Variants in CNTNAP2 observed in about 807,000 individuals in gnomAD.
The protein encoded by CNTNAP2 is contactin associated protein 2.
In CNTNAP2, 98 loss-of-function variants were observed where a neutral mutation model predicts 155.2. The ratio of observed to expected loss-of-function variants is 0.63; its 90% CI spans 0.54 to 0.75. The LOEUF is 0.75. Among genes scored for constraint, CNTNAP2 ranks in the 30% least tolerant of loss-of-function variants. The pLI, the probability that CNTNAP2 is intolerant of heterozygous loss-of-function variation, is 0.00. For missense variants in CNTNAP2, 1,727 were observed against 1,688.1 expected, an observed-to-expected ratio of 1.02 and a Z score of -0.40; for synonymous variants, 651 against 631.2, an observed-to-expected ratio of 1.03 and a Z score of -0.47.
chr7:146,507,439 C>G (rs1223246722), intron 1 of CNTNAP2, among the ~76,000 whole-genome samples: 2 of 152,236 alleles, frequency 1.3e-5, no homozygotes, highest in Admixed American at 6.5e-5. Flanking sequence ...AAAGCCATCT[C>G]AGCCTCATTG....
At chr7:148,225,804 T>C (rs778867360) in intron 19 of CNTNAP2, among the ~76,000 whole-genome samples, 1 of 152,194 alleles carries the variant, frequency 6.6e-6, no homozygotes, top group Non-Finnish European at 1.5e-5. Context: ...GAAGACTTGG[T>C]GTCAGATGAC....
At chr7:147,629,689 T>C (rs1262921314) in intron 12 of CNTNAP2, among the ~76,000 whole-genome samples, 1 of 151,924 alleles carries the variant, frequency 6.6e-6, no homozygotes, top group Non-Finnish European at 1.5e-5. Context: ...CTCAAAACTA[T>C]ACAAATACTT....
intron 4 of CNTNAP2, among the ~76,000 whole-genome samples, chr7:147,065,990 A>C (rs1799772271): frequency 6.6e-6 from 1 of 152,280 alleles, no homozygotes; most frequent in South Asian, 2.1e-4. Context: ...AAGTATAAAA[A>C]AGGTGGAAAA....
intron 2 of CNTNAP2, among the ~76,000 whole-genome samples, chr7:146,799,487 G>A (rs762025101): frequency 3.9e-5 from 6 of 152,142 alleles, no homozygotes; most frequent in Non-Finnish European, 5.9e-5. Context: ...ATGCACATTC[G>A]AGTTTAGTAT....
intron 15 of CNTNAP2, among the ~76,000 whole-genome samples, chr7:148,097,726 C>T (rs1003495411): frequency 3.3e-4 from 50 of 152,282 alleles, no homozygotes; most frequent in Admixed American, 2.8e-3. Context: ...TCTTTTGAAG[C>T]CCTCCTCGGC....
At chr7:146,543,917 G>C (rs928849766) in intron 1 of CNTNAP2, among the ~76,000 whole-genome samples, 2 of 151,716 alleles carry the variant, frequency 1.3e-5, no homozygotes, top group Non-Finnish European at 2.9e-5. Flanking sequence ...GGAATTCATA[G>C]TCTAATGAAC....
At chr7:147,412,838 G>A (rs1406288) in intron 10 of CNTNAP2, among the ~76,000 whole-genome samples, 26,562 of 152,150 alleles carry the variant, frequency 0.17, 2,942 homozygotes, top group Non-Finnish European at 0.25. Context: ...ACTAAGGCAT[G>A]TGACACAGCT....
intron 4 of CNTNAP2, among the ~76,000 whole-genome samples, chr7:147,099,102 G>A (rs1207680629): frequency 6.6e-6 from 1 of 152,062 alleles, no homozygotes; most frequent in East Asian, 1.9e-4. Context: ...AGGTGCAGCA[G>A]GGTAAGCAGG....
intron 15 of CNTNAP2, among the ~76,000 whole-genome samples, chr7:147,982,676 T>C (rs926502231): frequency 6.6e-6 from 1 of 152,188 alleles, no homozygotes; most frequent in Non-Finnish European, 1.5e-5. Flanking sequence ...ATCTTTTTTT[T>C]GCAAGAATTT....
At chr7:146,487,710 T>G (rs1052632507) in intron 1 of CNTNAP2, among the ~76,000 whole-genome samples, 2 of 152,180 alleles carry the variant, frequency 1.3e-5, no homozygotes, top group African/African-American at 4.8e-5. Flanking sequence ...CGCAGCATCC[T>G]CAAGTACAGA....
At chr7:146,887,460 A>G (rs1471292847) in intron 3 of CNTNAP2, among the ~76,000 whole-genome samples, 3 of 152,088 alleles carry the variant, frequency 2.0e-5, no homozygotes, top group African/African-American at 4.8e-5. Flanking sequence ...TCATAAGTAC[A>G]TGGTTTTTAT....
chr7:148,214,119 C>T (rs1002860177), intron 18 of CNTNAP2, among the ~76,000 whole-genome samples: 1 of 152,196 alleles, frequency 6.6e-6, no homozygotes. Flanking sequence ...CTTCCACCAC[C>T]CCTGTGTTCC....
chr7:147,484,528 C>T (rs566349985), intron 10 of CNTNAP2, among the ~76,000 whole-genome samples: 17 of 152,308 alleles, frequency 1.1e-4, no homozygotes, highest in African/African-American at 3.6e-4. Flanking sequence ...GCTGTGAATA[C>T]AGTCGTAGTC....
chr7:147,324,158 A>T (rs984509719), intron 9 of CNTNAP2, among the ~76,000 whole-genome samples: 2 of 152,162 alleles, frequency 1.3e-5, no homozygotes, highest in Non-Finnish European at 2.9e-5. Context: ...GAAAAGAAGT[A>T]AGGTGTATTA....
At chr7:147,848,128 GT>G (rs1485651420) in intron 13 of CNTNAP2, among the ~76,000 whole-genome samples, 4 of 134,540 alleles carry the variant, frequency 3.0e-5, no homozygotes, top group African/African-American at 5.3e-5. Flanking sequence ...GCTCCACCCA[GT>G]TGGAGCTTCC....
intron 1 of CNTNAP2, among the ~76,000 whole-genome samples, chr7:146,439,226 C>T (rs1001772751): frequency 6.6e-6 from 1 of 151,476 alleles, no homozygotes; most frequent in African/African-American, 2.5e-5. Flanking sequence ...TTTTAAAAAA[C>T]ACTCTCTTCA....
intron 13 of CNTNAP2, among the ~76,000 whole-genome samples, chr7:147,702,130 T>A (rs1421876947): frequency 1.3e-5 from 2 of 149,962 alleles, no homozygotes; most frequent in Non-Finnish European, 3.0e-5. Flanking sequence ...CATTCTGATG[T>A]AATGAAGCTG....
chr7:146,318,045 G>A (rs769214903), intron 1 of CNTNAP2, among the ~76,000 whole-genome samples: 1 of 151,866 alleles, frequency 6.6e-6, no homozygotes, highest in African/African-American at 2.4e-5. Flanking sequence ...GGAGGCTGAG[G>A]CAGGAGAATC....
intron 15 of CNTNAP2, among the ~76,000 whole-genome samples, chr7:147,985,398 A>C (rs1450265008): frequency 9.4e-6 from 1 of 106,602 alleles, no homozygotes; most frequent in African/African-American, 3.5e-5. Context: ...GAGTTGATTT[A>C]TGTTTTTACT....
Sources: allele counts gnomAD v4.1 joint callset (sites outside exome capture counted in the v4.1 genomes callset), GRCh38; gene constraint gnomAD v4.1.1; transcripts MANE v1.5; gene names NCBI Gene and HGNC (gene_info 2026-07-23, HGNC 2026-07-21).